The following IQGAP2 variants were observed in gnomAD, a reference collection of about 807,000 sequenced individuals.
IQGAP2 encodes the protein IQ motif containing GTPase activating protein 2.
In IQGAP2, 173 loss-of-function variants were observed where a neutral mutation model predicts 201.3. The ratio of observed to expected loss-of-function variants is 0.86; its 90% CI spans 0.76 to 0.98. IQGAP2 has a LOEUF of 0.98. IQGAP2 is among the 50% of genes least tolerant of loss of function. The pLI is 0.00. For synonymous variants in IQGAP2, 675 were observed against 673.9 expected (o/e 1.00, Z -0.03); for missense variants, 1,687 against 1,864.8 (o/e 0.90, Z 1.76).
At chr5:76,554,913 G>C (rs1743831134) in intron 2 of IQGAP2, among the ~76,000 whole-genome samples, 1 of 152,056 alleles carries the variant, frequency 6.6e-6, no homozygotes, top group Non-Finnish European at 1.5e-5. Flanking sequence ...AAAATAACAT[G>C]TCCAAAAACT....
At chr5:76,438,035 G>GTTTTTTTTTTTTTTTTTT (rs71604291) in intron 1 of IQGAP2, among the ~76,000 whole-genome samples, 21 of 68,596 alleles carry the variant, frequency 3.1e-4, no homozygotes, top group South Asian at 3.8e-4. Context: ...TTTTTTGTTT[G>GTTTTTTTTTTTTTTTTTT]TTTTTTTTTT....
chr5:76,663,021 A>G (rs1015211929), intron 21 of IQGAP2, among the ~76,000 whole-genome samples: 2 of 152,196 alleles, frequency 1.3e-5, no homozygotes, highest in Non-Finnish European at 2.9e-5. Context: ...AGCTTCCTAG[A>G]GCTCTGGACC....
At chr5:76,560,318 C>CT (rs34182814) in intron 2 of IQGAP2, among the ~76,000 whole-genome samples, 2,947 of 133,314 alleles carry the variant, frequency 0.022, 45 homozygotes, top group East Asian at 0.068. Context: ...ATGCCTGGCT[C>CT]TTTTTTTTTT....
intron 1 of IQGAP2, among the ~76,000 whole-genome samples, chr5:76,406,787 G>A (rs570400441): frequency 2.0e-5 from 3 of 152,016 alleles, no homozygotes; most frequent in Non-Finnish European, 4.4e-5. Flanking sequence ...ACTACAGTGG[G>A]TCTCCAATGA....
chr5:76,532,986 G>A (rs983562486), intron 2 of IQGAP2, among the ~76,000 whole-genome samples: 2 of 152,148 alleles, frequency 1.3e-5, no homozygotes, highest in East Asian at 1.9e-4. Context: ...ACTGAAATCC[G>A]GCTTGTGAAG....
intron 1 of IQGAP2, among the ~76,000 whole-genome samples, chr5:76,436,413 G>A (rs186472521): frequency 0.026 from 3,295 of 124,864 alleles, 49 homozygotes; most frequent in South Asian, 0.044. Context: ...ATTTGTTGAG[G>A]GTTTTTATCA....
At chr5:76,525,482 G>A (rs1343695932) in intron 2 of IQGAP2, among the ~76,000 whole-genome samples, 1 of 151,418 alleles carries the variant, frequency 6.6e-6, no homozygotes, top group Non-Finnish European at 1.5e-5. Context: ...TTTTAATTCT[G>A]TGTAGGGACC....
intron 2 of IQGAP2, among the ~76,000 whole-genome samples, chr5:76,499,295 C>T (rs1179113300): frequency 6.6e-6 from 1 of 152,216 alleles, no homozygotes; most frequent in Non-Finnish European, 1.5e-5. Flanking sequence ...GAAATGTAAG[C>T]ACCTGGGCTC....
At chr5:76,453,106 G>A (rs1313591066) in intron 1 of IQGAP2, among the ~76,000 whole-genome samples, 1 of 152,012 alleles carries the variant, frequency 6.6e-6, no homozygotes, top group Admixed American at 6.6e-5. Context: ...AGTAGAAACG[G>A]TGTTTCACCA....
chr5:76,687,204 C>A (rs974685652), intron 30 of IQGAP2, among the ~76,000 whole-genome samples: 1 of 152,180 alleles, frequency 6.6e-6, no homozygotes, highest in African/African-American at 2.4e-5. Context: ...TGCTCAAAGG[C>A]CTTCCTCTTG....
intron 30 of IQGAP2, among the ~76,000 whole-genome samples, chr5:76,690,141 G>A (rs11951337): frequency 0.2 from 31,013 of 152,096 alleles, 3,662 homozygotes; most frequent in African/African-American, 0.32. Context: ...ACTCTAAGCA[G>A]TTGATTTATG....
intron 5 of IQGAP2, among the ~76,000 whole-genome samples, chr5:76,582,117 G>A (rs1446886853): frequency 6.6e-6 from 1 of 152,172 alleles, no homozygotes; most frequent in East Asian, 1.9e-4. Flanking sequence ...AGGCAGTTGA[G>A]GCACAGAGAG....
At chr5:76,546,300 G>A (rs1743091582) in intron 2 of IQGAP2, among the ~76,000 whole-genome samples, 2 of 152,158 alleles carry the variant, frequency 1.3e-5, no homozygotes, top group South Asian at 4.1e-4. Flanking sequence ...GTCAGGTGTG[G>A]TGGCGTGTGC....
In IQGAP2 at chr5:76,403,702, G is replaced by A. The variant is rs923598704; in HGVS notation, c.46+111G>A. On this transcript the variant is annotated intron_variant, in intron 1 of 35. Transcript: ENST00000274364. The surrounding 1 kb of genome is among the most constrained non-coding windows in gnomAD (Gnocchi z 4.8). ...TTGCGCGGCGCAGAGGAAATTGGAA[G>A]GCAGCAACTGCGCGGCTGGCAAAGT... The A allele has an allele frequency of 2.0e-5, 18 of 879,718 alleles. No individual in the cohort carries two copies. Among genetic ancestry groups the A allele is most frequent in the East Asian group, 1.0e-4 (3 of 29,826 alleles). The allele number at this position is 879,718 out of a possible 1,614,324, so 54.5% of individuals were successfully genotyped here.
intron 20 of IQGAP2, among the ~76,000 whole-genome samples, chr5:76,656,225 G>GTTTT (rs34793452): frequency 6.7e-6 from 1 of 150,258 alleles, no homozygotes; most frequent in Non-Finnish European, 1.5e-5. Flanking sequence ...TTTGTTTTTT[G>GTTTT]TTTTTTTTTT....
chr5:76,618,700 TTTAA>T, intron 13 of IQGAP2: 2 of 1,346,780 alleles, frequency 1.5e-6, no homozygotes, highest in Non-Finnish European at 2.0e-6. Context: ...AGAAAGTGTG[TTTAA>T]TTATTTGTAA....
At chr5:76,575,203 TACTTTA>T (rs1426010226) in intron 4 of IQGAP2, among the ~76,000 whole-genome samples, 1 of 151,194 alleles carries the variant, frequency 6.6e-6, no homozygotes, top group East Asian at 1.9e-4. Flanking sequence ...GAAAATGTCT[TACTTTA>T]AACAGATTTT....
At position 76,652,785 on chromosome 5, in the gene IQGAP2, T is replaced by C; in HGVS notation, c.2130T>C (p.Tyr710=). ...FWKGYKQRKE[Y]MHRRQTFIDN... ...AAGGATATAAACAACGGAAGGAGTA[T>C]ATGCACAGGCGGCAAACGTTCATTG... Residue 710 remains tyrosine (Y), a synonymous_variant, in exon 18 of 36, where the codon TAT becomes TAC. Coordinates refer to ENST00000274364, the MANE Select transcript of IQGAP2 (RefSeq NM_006633.5). The C allele has an allele frequency of 1.2e-6, 2 of 1,611,804 alleles. No individual in the cohort carries two copies. Among genetic ancestry groups the C allele is most frequent in the Non-Finnish European group, 1.7e-6 (2 of 1,177,798 alleles).
chr5:76,407,911 AC>A, intron 1 of IQGAP2, among the ~76,000 whole-genome samples: 1 of 152,160 alleles, frequency 6.6e-6, no homozygotes, highest in Non-Finnish European at 1.5e-5. Flanking sequence ...CGGGTGGATC[AC>A]ATGAGGTCAC....
Sources: allele counts gnomAD v4.1 joint callset (sites outside exome capture counted in the v4.1 genomes callset), GRCh38; gene constraint gnomAD v4.1.1; non-coding constraint Gnocchi (gnomAD v3.1); transcripts MANE v1.5; gene names NCBI Gene and HGNC (gene_info 2026-07-23, HGNC 2026-07-21).